ZNF570: variants seen among roughly 807,000 people sequenced by gnomAD.
ZNF570 encodes the protein zinc finger protein 570.
In ZNF570, 8 loss-of-function variants were observed where a neutral mutation model predicts 14.2. That is an observed-to-expected ratio of 0.56 (90% CI 0.33 to 1.02). ZNF570 has a LOEUF of 1.02. Ranked by LOEUF, ZNF570 falls within the 50% of genes least tolerant of loss-of-function variation. The pLI is 0.03. For missense variants in ZNF570, 559 were observed against 624.9 expected (o/e 0.89, Z 1.12); for synonymous variants, 202 against 207.6 (o/e 0.97, Z 0.23).
At chr19:37,470,695 C>CTTTTTTTTTTTTTT (rs760686313) in intron 2 of ZNF570, among the ~76,000 whole-genome samples, 44 of 92,978 alleles carry the variant, frequency 4.7e-4, no homozygotes, top group Non-Finnish European at 6.4e-4. Context: ...CTTATTTATT[C>CTTTTTTTTTTTTTT]TTTTTTTTTT....
rs200846017 is a variant in ZNF570 at position 37,484,544 on chromosome 19, C to T, written c.922C>T (p.Arg308Ter). The part of the protein sequence containing the change: ...GEKPYECKVC[R>*]KAFSQFAYLA... ...AAAACCTTACGAATGTAAGGTATGT[C>T]GAAAAGCCTTCAGCCAGTTTGCCTA... Residue 308 changes from arginine to a stop codon, truncating the protein, a stop_gained, in exon 5 of 5, where the codon CGA becomes TGA. Transcript: ENST00000330173. LOFTEE classifies it low-confidence loss of function (END_TRUNC). 6.9e-5 allele frequency: 112 copies of T among 1,613,484 alleles called. No individual in the cohort carries two copies. Among genetic ancestry groups the T allele is most frequent in the Non-Finnish European group, 3.5e-5 (41 of 1,179,918 alleles).
rs1213892607 is a variant in ZNF570 at position 37,484,308 on chromosome 19, A to G, written c.686A>G (p.Gln229Arg). ...AATGACTGTGAAAAAGTCTTCAGCC[A>G]GAGTTCATCCCTTACTCTTCATCAA... ...KCNDCEKVFS[Q>R]SSSLTLHQRI... The change falls in exon 5 of 5, where the codon CAG becomes CGG. Residue 229 changes from glutamine (Q) to arginine (R), a missense_variant. Transcript: ENST00000330173. 1.9e-6 allele frequency: 3 copies of G among 1,613,678 alleles called. No individual in the cohort carries two copies. Among genetic ancestry groups the G allele is most frequent in the Non-Finnish European group, 1.7e-6 (2 of 1,179,956 alleles).
chr19:37,474,231 A>G (rs2147007204), intron 2 of ZNF570, among the ~76,000 whole-genome samples: 2 of 152,354 alleles, frequency 1.3e-5, no homozygotes, highest in Middle Eastern at 6.8e-3. Context: ...CTATGTTGAC[A>G]TAGAAATTAT....
rs764609936 is a variant in ZNF570, at chr19:37,471,009, ATTTTT to A, written c.33+638_33+642del. 1.5e-4 allele frequency among the ~76,000 whole-genome samples: 13 copies of A among 84,392 alleles called. No individual in the cohort carries two copies. In the South Asian group the frequency reaches 5.3e-3, roughly 34 times the overall value. 55.4% of individuals were successfully genotyped at this position (84,392 alleles called of 152,430 possible). On this transcript the variant is annotated intron_variant, in intron 2 of 4. Transcript: ENST00000330173. ...GCTACCATGCCTGGCCAGTGAGTAC[ATTTTT>A]TTTTTTTTTTTTTTTGTTGAGACGG...
chr19:37,482,815 T>TTC (rs35690455), intron 4 of ZNF570, among the ~76,000 whole-genome samples: 6,980 of 141,634 alleles, frequency 0.049, 510 homozygotes, highest in African/African-American at 0.16. Context: ...TTCCCCTGCT[T>TTC]TCTCTCTCTC....
At chr19:37,469,716 T>A in intron 1 of ZNF570, 159 bp downstream of exon 1, 2 of 753,296 alleles carry the variant, frequency 2.7e-6, no homozygotes, top group Non-Finnish European at 4.3e-6. Flanking sequence ...TACCCGCGGC[T>A]TCTTTGTGAC....
upstream of ZNF570, chr19:37,467,779 C>G: frequency 9.0e-7 from 1 of 1,113,786 alleles, no homozygotes; most frequent in Non-Finnish European, 1.3e-6. Context: ...GGCGAGAGAC[C>G]CTGTCCAGTG....
At position 37,484,054 on chromosome 19, in the gene ZNF570, G is replaced by A. The variant is rs748731551; in HGVS notation, c.432G>A (p.Ala144=). The part of the protein sequence containing the change: ...YFERQPGNQK[A]CFKEEIITHE... ...AAAGGCAACCAGGTAATCAGAAGGCGTGTTTCAAGGAAGAGATAATCACTC... is the reference window on the plus strand; with the variant it reads ...AAAGGCAACCAGGTAATCAGAAGGCATGTTTCAAGGAAGAGATAATCACTC... Residue 144 remains alanine (A), a synonymous_variant, in exon 5 of 5, where the codon GCG becomes GCA. Transcript: ENST00000330173. The A allele has an allele frequency of 1.2e-5, 19 of 1,613,974 alleles. No homozygotes were observed. Among genetic ancestry groups the A allele is most frequent in the Admixed American group, 1.7e-5 (1 of 59,998 alleles).
chr19:37,476,868 C>T (rs992516840), intron 4 of ZNF570, among the ~76,000 whole-genome samples: 37 of 152,032 alleles, frequency 2.4e-4, no homozygotes, highest in African/African-American at 8.7e-4. Context: ...TGCCACCACG[C>T]CCAGCTAATT....
At chr19:37,469,077 C>T (rs1047211221), upstream of ZNF570, 10 of 1,022,738 alleles carry the variant, frequency 9.8e-6, no homozygotes, top group African/African-American at 1.7e-5. Flanking sequence ...CACACCAGCC[C>T]GTGTAGTGTG....
intron 4 of ZNF570, among the ~76,000 whole-genome samples, chr19:37,477,164 G>T (rs376442607): frequency 1.3e-5 from 2 of 151,948 alleles, no homozygotes; most frequent in African/African-American, 4.8e-5. Flanking sequence ...TTGCTTGTTG[G>T]TGGAGAGAAA....
chr19:37,472,347 G>T (rs771439470), intron 2 of ZNF570, among the ~76,000 whole-genome samples: 23 of 144,384 alleles, frequency 1.6e-4, no homozygotes, highest in Admixed American at 1.3e-3. Context: ...CAGCCAAAGT[G>T]ATCTTGTTAA....
In ZNF570 at chr19:37,470,309, T is replaced by C. The variant is rs1287237452; in HGVS notation, c.-46T>C. The C allele has an allele frequency of 3.1e-6, 5 of 1,613,958 alleles. No individual in the cohort carries two copies. Among genetic ancestry groups the C allele is most frequent in the Non-Finnish European group, 1.7e-6 (2 of 1,179,956 alleles). On this transcript the variant is annotated 5_prime_UTR_variant, in exon 2 of 5. Coordinates refer to ENST00000330173, the MANE Select transcript of ZNF570 (RefSeq NM_144694.5). ...TGTTCTTTTCCCCATCTCAGTCATC[T>C]GAGGCCACTGCTATTTCCCAAGAGA... is the stretch of plus-strand genomic sequence containing the variant.
At chr19:37,482,528 C>G (rs1030759180) in intron 4 of ZNF570, among the ~76,000 whole-genome samples, 10 of 152,156 alleles carry the variant, frequency 6.6e-5, no homozygotes, top group South Asian at 4.1e-4. Context: ...CTAAACCATT[C>G]GTGAGGACTC....
rs770376562 is a variant in ZNF570, at chr19:37,484,424, C to CA, written c.803dup (p.His268GlnfsTer8). On this transcript the variant is annotated frameshift_variant, in exon 5 of 5. Transcript: ENST00000330173. LOFTEE classifies it low-confidence loss of function (END_TRUNC). ...AAATCTTGTTCAACATCAGAGGATT[C>CA]ATACTGGAGAAAAACCCTATGAATG... The CA allele has an allele frequency of 6.2e-7, 1 of 1,614,126 alleles. No homozygotes were observed. Among genetic ancestry groups the CA allele is most frequent in the East Asian group, 2.2e-5 (1 of 44,880 alleles).
chr19:37,484,660 T>G lies in ZNF570; in HGVS notation c.1038T>G (p.Ala346=). The G allele has an allele frequency of 1.2e-6, 2 of 1,614,034 alleles. No homozygotes were observed. Among genetic ancestry groups the G allele is most frequent in the Non-Finnish European group, 1.7e-6 (2 of 1,179,996 alleles). Residue 346 remains alanine, a synonymous_variant, in exon 5 of 5, where the codon GCT becomes GCG. Coordinates refer to ENST00000330173, the MANE Select transcript of ZNF570 (RefSeq NM_144694.5). Reference sequence around the variant, plus strand: ...CATTTAGCAACAGATCATCCATTGCTCAACACCAGAGAGTTCATACAGGAG... The same window carrying G: ...CATTTAGCAACAGATCATCCATTGCGCAACACCAGAGAGTTCATACAGGAG... The part of the protein sequence containing the change: ...GKAFSNRSSI[A]QHQRVHTGEK...
intron 2 of ZNF570, among the ~76,000 whole-genome samples, chr19:37,474,735 A>T (rs1178086385): frequency 6.6e-6 from 1 of 152,120 alleles, no homozygotes; most frequent in African/African-American, 2.4e-5. Context: ...CTGGGATTAC[A>T]GGTGTGAGCC....
chr19:37,483,819 A>T, intron 4 of ZNF570, 60 bp from the exon 5 acceptor site: 1 of 1,478,798 alleles, frequency 6.8e-7, no homozygotes, highest in Non-Finnish European at 9.0e-7. Flanking sequence ...GATGTACTTT[A>T]TTAAATGTAC....
chr19:37,469,696 G>T (rs935675917), intron 1 of ZNF570, 139 bp downstream of exon 1: 6 of 885,438 alleles, frequency 6.8e-6, no homozygotes, highest in Non-Finnish European at 6.9e-6. Flanking sequence ...GCTGCACCTT[G>T]TTGGGCCGAT....
Sources: allele counts gnomAD v4.1 joint callset (sites outside exome capture counted in the v4.1 genomes callset), GRCh38; gene constraint gnomAD v4.1.1; transcripts MANE v1.5; gene names NCBI Gene and HGNC (gene_info 2026-07-23, HGNC 2026-07-21).